The following RYR3 variants were observed in gnomAD, a reference collection of about 807,000 sequenced individuals.
RYR3 encodes the protein brain ryanodine receptor-calcium release channel.
In RYR3, 207 loss-of-function variants were observed where a neutral mutation model predicts 584.3. The observed-to-expected ratio is 0.35, with a 90% confidence interval of 0.32 to 0.40. The LOEUF is 0.40. Ranked by LOEUF, RYR3 falls within the 10% of genes least tolerant of loss-of-function variation. The probability of loss-of-function intolerance (pLI) is 1.00; values close to 1 mark genes in which losing one functional copy is unlikely to be tolerated. For synonymous variants in RYR3, 2,416 were observed against 2,248.5 expected, an observed-to-expected ratio of 1.07 and a Z score of -2.11; for missense variants, 5,616 against 6,089.2, an observed-to-expected ratio of 0.92 and a Z score of 2.59.
intron 102 of RYR3, 96 bp downstream of exon 102, chr15:33,861,274 A>C: frequency 1.1e-6 from 1 of 876,356 alleles, no homozygotes; most frequent in Non-Finnish European, 1.8e-6. Flanking sequence ...AAGAGTAACC[A>C]GAAAGGAACT....
At chr15:33,677,911 G>A (rs928701289) in intron 38 of RYR3, among the ~76,000 whole-genome samples, 4 of 152,138 alleles carry the variant, frequency 2.6e-5, no homozygotes, top group African/African-American at 4.8e-5. Context: ...AGCCAATCAC[G>A]GATAGAGTCA....
At chr15:33,760,310 A>T (rs1434753583) in intron 60 of RYR3, among the ~76,000 whole-genome samples, 1 of 152,230 alleles carries the variant, frequency 6.6e-6, no homozygotes, top group Non-Finnish European at 1.5e-5. Context: ...AAATGGGCGA[A>T]ATGCCCCAAT....
Position 33,407,766 on chromosome 15 carries a change from CAGG to C in RYR3, c.52-65650_52-65648del, listed in dbSNP as rs911758684. On this transcript the variant is annotated intron_variant, in intron 1 of 103. Coordinates refer to ENST00000634891, the MANE Select transcript of RYR3 (RefSeq NM_001036.6). ...AGAAAATAGAGGCATCTCTAGAAAA[CAGG>C]AGCATAAAATCTGGAGAAAGGCATT... Among the ~76,000 whole-genome samples the C allele has an allele frequency of 4.3e-4, 66 of 152,242 alleles. 1 individual carries two copies. The highest frequency in any genetic ancestry group is 1.6e-3 in the African/African-American group (65 of 41,536).
chr15:33,810,053 A>G (rs556824761), intron 70 of RYR3, among the ~76,000 whole-genome samples: 4 of 152,326 alleles, frequency 2.6e-5, no homozygotes, highest in East Asian at 1.9e-4. Flanking sequence ...CACCAGCTTC[A>G]GCTTTGAAAA....
rs1434612666 is a variant in RYR3 at position 33,731,703 on chromosome 15, A to G, written c.7424+9A>G. On this transcript the variant is annotated intron_variant, in intron 48 of 103. Transcript: ENST00000634891. The stretch of plus-strand genomic sequence containing the variant: ...TTGCTTGCCATTTGCAAGTAAGTAC[A>G]TATCCTATGTTGTTACTTCTGTGTA... 6.4e-7 allele frequency: 1 copy of G among 1,566,802 alleles called. No homozygotes were observed. Among genetic ancestry groups the G allele is most frequent in the Admixed American group, 1.7e-5 (1 of 59,190 alleles).
chr15:33,669,039 C>A (rs142629329), intron 36 of RYR3, among the ~76,000 whole-genome samples: 8 of 151,976 alleles, frequency 5.3e-5, no homozygotes, highest in Admixed American at 1.3e-4. Flanking sequence ...GGAATGTGAT[C>A]CCATTCTGTG....
chr15:33,677,791 A>G (rs1430295236), intron 38 of RYR3, among the ~76,000 whole-genome samples: 2 of 152,172 alleles, frequency 1.3e-5, no homozygotes, highest in Non-Finnish European at 2.9e-5. Context: ...GGAAATTTAG[A>G]AACAGATTTA....
chr15:33,560,677 G>T (rs2057352581), intron 10 of RYR3, among the ~76,000 whole-genome samples: 1 of 152,120 alleles, frequency 6.6e-6, no homozygotes, highest in Non-Finnish European at 1.5e-5. Context: ...TTTCAGTCCT[G>T]TTACTGGCTT....
At chr15:33,819,895 C>T (rs1286564380) in intron 77 of RYR3, 88 bp downstream of exon 77, 3 of 995,088 alleles carry the variant, frequency 3.0e-6, no homozygotes, top group East Asian at 2.6e-5. Flanking sequence ...TGTTGAATAG[C>T]AGGCCTGGGA....
At chr15:33,602,897 C>T (rs1429303763) in intron 17 of RYR3, among the ~76,000 whole-genome samples, 1 of 151,938 alleles carries the variant, frequency 6.6e-6, no homozygotes, top group Non-Finnish European at 1.5e-5. Flanking sequence ...AGGTGTGCAC[C>T]ACCATACCCA....
intron 65 of RYR3, among the ~76,000 whole-genome samples, chr15:33,782,187 G>A (rs1276968569): frequency 2.0e-5 from 3 of 152,194 alleles, no homozygotes. Flanking sequence ...AGTTCATAAA[G>A]GCACAGTAGC....
intron 1 of RYR3, among the ~76,000 whole-genome samples, chr15:33,403,787 CTG>C (rs1244350137): frequency 6.6e-5 from 10 of 152,306 alleles, no homozygotes; most frequent in Non-Finnish European, 1.2e-4. Flanking sequence ...TAAGTAGACT[CTG>C]TGCATAATCA....
In RYR3 at chr15:33,865,814, T is replaced by TGTTTGTGTTCCAGAAG. The variant is rs1198631223; in HGVS notation, c.*590_*605dup. ...TAGACATAGCTATGCAAGTTTTTTA[T>TGTTTGTGTTCCAGAAG]GTTTGTGTTCCAGAAGGACAGTTCC... is the stretch of plus-strand genomic sequence containing the variant. On this transcript the variant is annotated 3_prime_UTR_variant, in exon 104 of 104. Coordinates refer to ENST00000634891, the MANE Select transcript of RYR3 (RefSeq NM_001036.6). 6.5e-6 allele frequency: 1 copy of TGTTTGTGTTCCAGAAG among 152,854 alleles called. No homozygotes were observed. Among genetic ancestry groups the TGTTTGTGTTCCAGAAG allele is most frequent in the East Asian group, 1.9e-4 (1 of 5,204 alleles). The allele number at this position is 152,854 out of a possible 1,614,324, so 9.5% of individuals were successfully genotyped here.
chr15:33,388,064 A>G (rs1336823580), intron 1 of RYR3, among the ~76,000 whole-genome samples: 1 of 152,226 alleles, frequency 6.6e-6, no homozygotes, highest in Non-Finnish European at 1.5e-5. Flanking sequence ...CAGTTTCTGA[A>G]TGTTCTGAAC....
chr15:33,693,150 G>A (rs745613282), intron 38 of RYR3, among the ~76,000 whole-genome samples: 4 of 152,194 alleles, frequency 2.6e-5, no homozygotes, highest in Admixed American at 1.3e-4. Flanking sequence ...ACTTAAATTG[G>A]GTCCAAGAGT....
chr15:33,396,228 C>G (rs558138764), intron 1 of RYR3, among the ~76,000 whole-genome samples: 2 of 152,296 alleles, frequency 1.3e-5, no homozygotes, highest in Non-Finnish European at 2.9e-5. Flanking sequence ...TGAGAGAGAG[C>G]CCTGCACAGG....
intron 103 of RYR3, among the ~76,000 whole-genome samples, chr15:33,864,519 G>C (rs113998313): frequency 6.6e-6 from 1 of 152,198 alleles, no homozygotes; most frequent in South Asian, 2.1e-4. Context: ...AAAAATCAGA[G>C]TACAACGGAG....
At chr15:33,380,583 C>T (rs1306921937) in intron 1 of RYR3, among the ~76,000 whole-genome samples, 1 of 152,188 alleles carries the variant, frequency 6.6e-6, no homozygotes, top group East Asian at 1.9e-4. Flanking sequence ...ACAGGCTGCA[C>T]TTAGTATCAA....
At chr15:33,318,051 T>G (rs778098093) in intron 1 of RYR3, among the ~76,000 whole-genome samples, 2 of 152,196 alleles carry the variant, frequency 1.3e-5, no homozygotes, top group Non-Finnish European at 2.9e-5. Flanking sequence ...TACAAAGAGA[T>G]TCAGAAATTA....
Sources: gnomAD v4.1 joint callset for allele counts (sites outside exome capture counted in the v4.1 genomes callset) on GRCh38, gnomAD v4.1.1 for gene constraint, MANE v1.5 for transcripts, NCBI Gene and HGNC (gene_info 2026-07-23, HGNC 2026-07-21) for gene names.